The following CSTPP1 variants were observed in gnomAD, a reference collection of about 807,000 sequenced individuals.
The protein encoded by CSTPP1 is UPF0705 protein C11orf49.
chr11:47,057,274 G>A, the CSTPP1 span, among the ~76,000 whole-genome samples: 1 of 152,064 alleles, frequency 6.6e-6, no homozygotes, highest in Non-Finnish European at 1.5e-5. Flanking sequence ...TTCTAAGTCT[G>A]GCAAAGATTG....
chr11:47,085,700 G>A, the CSTPP1 span, among the ~76,000 whole-genome samples: 4 of 151,962 alleles, frequency 2.6e-5, no homozygotes, highest in Admixed American at 2.6e-4. Flanking sequence ...GACCAGCCTG[G>A]CTAACATGAC....
chr11:47,107,275 G>A, the CSTPP1 span, among the ~76,000 whole-genome samples: 1 of 152,164 alleles, frequency 6.6e-6, no homozygotes, highest in Non-Finnish European at 1.5e-5. Flanking sequence ...TTGTGAGAGC[G>A]CCCTGGAACA....
chr11:47,110,888 A>ATTTTTTTT, the CSTPP1 span, among the ~76,000 whole-genome samples: 3 of 101,214 alleles, frequency 3.0e-5, no homozygotes, highest in Non-Finnish European at 4.2e-5. Context: ...AAGAGAACAC[A>ATTTTTTTT]TCTTTTTTTT....
chr11:47,005,275 G>C, the CSTPP1 span, among the ~76,000 whole-genome samples: 1 of 152,092 alleles, frequency 6.6e-6, no homozygotes, highest in Non-Finnish European at 1.5e-5. Context: ...CAAAAACACT[G>C]TTTCTTGCAT....
At chr11:47,011,177 T>G in the CSTPP1 span, among the ~76,000 whole-genome samples, 31 of 152,232 alleles carry the variant, frequency 2.0e-4, no homozygotes, top group Admixed American at 1.6e-3. Context: ...TACATTTGTG[T>G]CAGTCTGTCA....
the CSTPP1 span, among the ~76,000 whole-genome samples, chr11:47,037,256 TAAG>T: frequency 1.6e-5 from 2 of 126,188 alleles, no homozygotes; most frequent in Admixed American, 8.6e-5. Flanking sequence ...TATAAATAAA[TAAG>T]AAGGGAAAGC....
At chr11:47,072,928 G>C in the CSTPP1 span, among the ~76,000 whole-genome samples, 1 of 152,092 alleles carries the variant, frequency 6.6e-6, no homozygotes, top group South Asian at 2.1e-4. Context: ...TTTATTGTGA[G>C]AACAGCATGA....
At chr11:46,970,723 G>A in the CSTPP1 span, among the ~76,000 whole-genome samples, 1 of 151,986 alleles carries the variant, frequency 6.6e-6, no homozygotes, top group Non-Finnish European at 1.5e-5. Flanking sequence ...TGATGAATAT[G>A]ATGAATAAAG....
the CSTPP1 span, among the ~76,000 whole-genome samples, chr11:47,122,091 A>AATATATATATATATATATATAT: frequency 1.3e-4 from 4 of 31,840 alleles, no homozygotes; most frequent in Non-Finnish European, 1.9e-4. Context: ...AAAAAAAAAA[A>AATATATATATATATATATATAT]ATATATATAT....
At chr11:46,941,956 A>G in the CSTPP1 span, among the ~76,000 whole-genome samples, 2 of 152,204 alleles carry the variant, frequency 1.3e-5, no homozygotes, top group African/African-American at 2.4e-5. Flanking sequence ...AAGAATATCT[A>G]GAGATATCCC....
the CSTPP1 span, among the ~76,000 whole-genome samples, chr11:47,074,521 A>G: frequency 1.4e-5 from 2 of 146,076 alleles, no homozygotes; most frequent in South Asian, 4.4e-4. Flanking sequence ...AAAAAAAAAA[A>G]CAGAAAAAAA....
At chr11:47,138,958 C>T in the CSTPP1 span, among the ~76,000 whole-genome samples, 113 of 106,502 alleles carry the variant, frequency 1.1e-3, no homozygotes, top group Admixed American at 1.8e-3. Flanking sequence ...CCAGCCTGGG[C>T]GACAGAGCAA....
the CSTPP1 span, among the ~76,000 whole-genome samples, chr11:46,975,709 C>T: frequency 1.3e-5 from 2 of 152,068 alleles, no homozygotes; most frequent in Non-Finnish European, 2.9e-5. Flanking sequence ...ATCATTGAAT[C>T]AAGAGGAGAA....
the CSTPP1 span, among the ~76,000 whole-genome samples, chr11:46,957,644 G>A: frequency 6.6e-6 from 1 of 152,090 alleles, no homozygotes. Context: ...GATCCTTTCA[G>A]TGTAGAAATT....
At chr11:46,942,401 A>G in the CSTPP1 span, among the ~76,000 whole-genome samples, 1 of 152,222 alleles carries the variant, frequency 6.6e-6, no homozygotes, top group Non-Finnish European at 1.5e-5. Flanking sequence ...GGTTTGCCAA[A>G]CATACCACCT....
At chr11:46,978,809 C>T in the CSTPP1 span, among the ~76,000 whole-genome samples, 1 of 152,166 alleles carries the variant, frequency 6.6e-6, no homozygotes, top group East Asian at 1.9e-4. Context: ...GCCACATCAA[C>T]CACAAGAGAG....
chr11:47,048,670 G>A, the CSTPP1 span, among the ~76,000 whole-genome samples: 1 of 151,988 alleles, frequency 6.6e-6, no homozygotes, highest in Non-Finnish European at 1.5e-5. Flanking sequence ...TGAGGGTCTG[G>A]GGGGTGGGCA....
chr11:47,140,374 T>C, the CSTPP1 span, among the ~76,000 whole-genome samples: 2 of 152,216 alleles, frequency 1.3e-5, no homozygotes, highest in Non-Finnish European at 2.9e-5. Flanking sequence ...TAAATTTCCA[T>C]GATCGTTCCC....
chr11:47,161,482 C>CCTGG, the CSTPP1 span: 3 of 1,614,004 alleles, frequency 1.9e-6, no homozygotes, highest in Non-Finnish European at 2.5e-6. Context: ...AGGTCCCAGG[C>CCTGG]CTGGTCAACT....
Sources: allele counts gnomAD v4.1 joint callset (sites outside exome capture counted in the v4.1 genomes callset), GRCh38; gene constraint gnomAD v4.1.1; transcripts MANE v1.5; gene names NCBI Gene and HGNC (gene_info 2026-07-23, HGNC 2026-07-21).